HDAC4: variants seen among roughly 807,000 people sequenced by gnomAD.
HDAC4 encodes the protein histone deacetylase A.
In HDAC4, 16 loss-of-function variants were observed where a neutral mutation model predicts 135.1. That is an observed-to-expected ratio of 0.12 (90% CI 0.08 to 0.18). HDAC4 has a LOEUF of 0.18. HDAC4 is among the 10% of genes least tolerant of loss of function. The pLI, the probability that HDAC4 is intolerant of heterozygous loss-of-function variation, is 1.00. For synonymous variants in HDAC4, 685 were observed against 653.4 expected, an observed-to-expected ratio of 1.05 and a Z score of -0.74; for missense variants, 1,143 against 1,511.8, an observed-to-expected ratio of 0.76 and a Z score of 4.05.
Position 239,160,516 on chromosome 2 carries a change from T to A in HDAC4, c.611+3287A>T, listed in dbSNP as rs571457576. On this transcript the variant is annotated intron_variant, in intron 6 of 26. Transcript: ENST00000543185. ...TCTCTGCAGCCTCCCAGCCCTGGTC[T>A]GCTTTCTCTCACAGTCGATTCACTT... Among the ~76,000 whole-genome samples the A allele has an allele frequency of 6.0e-5, 9 of 150,986 alleles. No individual in the cohort carries two copies. The East Asian group carries it at 1.4e-3, about 24-fold the overall frequency.
intron 1 of HDAC4, among the ~76,000 whole-genome samples, chr2:239,375,776 G>A (rs1420214010): frequency 6.6e-6 from 1 of 152,188 alleles, no homozygotes; most frequent in East Asian, 1.9e-4. Flanking sequence ...TTCCTCCATG[G>A]CCCCCCAGGG....
intron 4 of HDAC4, among the ~76,000 whole-genome samples, chr2:239,185,148 T>C (rs1020041765): frequency 2.0e-5 from 3 of 151,474 alleles, no homozygotes; most frequent in Non-Finnish European, 2.9e-5. Flanking sequence ...CCCTGGAGGC[T>C]GTGCCCTATG....
At chr2:239,279,209 A>G (rs907157751) in intron 2 of HDAC4, among the ~76,000 whole-genome samples, 1 of 152,236 alleles carries the variant, frequency 6.6e-6, no homozygotes, top group African/African-American at 2.4e-5. Context: ...TGTTTCTCCC[A>G]GGAGACTCTG....
intron 15 of HDAC4, among the ~76,000 whole-genome samples, chr2:239,105,898 G>A (rs2038084327): frequency 5.3e-5 from 8 of 152,204 alleles, no homozygotes; most frequent in Admixed American, 5.2e-4. Flanking sequence ...GTCCCCCTGG[G>A]CTGAGTTAGC....
At chr2:239,066,693 A>G in intron 24 of HDAC4, 29 bp downstream of exon 24, 1 of 1,613,004 alleles carries the variant, frequency 6.2e-7, no homozygotes, top group Non-Finnish European at 8.5e-7. Context: ...AGTGTGGAGC[A>G]TCCTGTGGGG....
intron 5 of HDAC4, among the ~76,000 whole-genome samples, chr2:239,169,349 G>C (rs2043307523): frequency 6.6e-6 from 1 of 152,220 alleles, no homozygotes; most frequent in Non-Finnish European, 1.5e-5. Context: ...CCCGCGATGT[G>C]GGTCCCACGC....
At chr2:239,394,655 G>A (rs1481648618) in intron 1 of HDAC4, among the ~76,000 whole-genome samples, 1 of 152,248 alleles carries the variant, frequency 6.6e-6, no homozygotes, top group Non-Finnish European at 1.5e-5. Context: ...TTCCCAGATG[G>A]GGGCAGGGGG....
At chr2:239,179,591 G>A (rs1055977959) in intron 4 of HDAC4, among the ~76,000 whole-genome samples, 7 of 152,170 alleles carry the variant, frequency 4.6e-5, no homozygotes, top group African/African-American at 7.2e-5. Flanking sequence ...CCACGAAACC[G>A]GTCCCTGGTG....
chr2:239,191,587 G>T (rs2044961564), intron 3 of HDAC4, among the ~76,000 whole-genome samples: 1 of 152,242 alleles, frequency 6.6e-6, no homozygotes, highest in South Asian at 2.1e-4. Context: ...TTTGGGGGAG[G>T]CCTGGGCACT....
chr2:239,312,779 G>T lies in HDAC4; in HGVS notation c.22+39899C>A, dbSNP rs541815404. 7.2e-5 allele frequency among the ~76,000 whole-genome samples: 11 copies of T among 152,342 alleles called. 1 individual carries two copies. The highest frequency in any genetic ancestry group is 3.4e-3 in the Middle Eastern group (1 of 294). On this transcript the variant is annotated intron_variant, in intron 2 of 26. Transcript: ENST00000543185. ...CACCACAGCACTGAGGGCAGAATGT[G>T]GTGGTGGCCCAGCTGCCGTGGCGCC...
chr2:239,063,693 A>G (rs562294187), intron 24 of HDAC4, among the ~76,000 whole-genome samples: 1 of 150,704 alleles, frequency 6.6e-6, no homozygotes, highest in Admixed American at 6.6e-5. Flanking sequence ...AGCCTCCCCC[A>G]CACCTGCGAG....
At chr2:239,065,728 G>A (rs1489225612) in intron 24 of HDAC4, among the ~76,000 whole-genome samples, 2 of 152,158 alleles carry the variant, frequency 1.3e-5, no homozygotes, top group Non-Finnish European at 2.9e-5. Flanking sequence ...CCTGCCCTCC[G>A]CTTCCTGTGG....
At chr2:239,158,823 G>A (rs558457465) in intron 6 of HDAC4, among the ~76,000 whole-genome samples, 28 of 152,134 alleles carry the variant, frequency 1.8e-4, no homozygotes, top group African/African-American at 5.8e-4. Flanking sequence ...GACCGCACAC[G>A]CGTGCCCTCC....
At chr2:239,124,268 C>G (rs1184499072) in intron 12 of HDAC4, among the ~76,000 whole-genome samples, 1 of 152,216 alleles carries the variant, frequency 6.6e-6, no homozygotes, top group Non-Finnish European at 1.5e-5. Flanking sequence ...TTCACCATCC[C>G]TAAGAAGAGG....
chr2:239,079,836 C>T (rs62189539), intron 22 of HDAC4, among the ~76,000 whole-genome samples: 20 of 136,152 alleles, frequency 1.5e-4, no homozygotes, highest in African/African-American at 3.9e-4. Context: ...GCACACACAG[C>T]GATATACACA....
chr2:239,115,563 A>T lies in HDAC4; in HGVS notation c.1534-253T>A, dbSNP rs1352893506. 6.6e-6 allele frequency among the ~76,000 whole-genome samples: 1 copy of T among 152,142 alleles called. No individual in the cohort carries two copies. Among genetic ancestry groups the T allele is most frequent in the Non-Finnish European group, 1.5e-5 (1 of 68,026 alleles). On this transcript the variant is annotated intron_variant, in intron 12 of 26. Transcript: ENST00000543185. This position sits in a 1 kb window ranked among gnomAD's most constrained non-coding sequence, Gnocchi z 6.3. Reference sequence around the variant, plus strand: ...TGACCTGGCCCAGGGAAGGAGGCTGACTAACATTTGGGGTTTACTAAGCAC... The same window carrying T: ...TGACCTGGCCCAGGGAAGGAGGCTGTCTAACATTTGGGGTTTACTAAGCAC...
chr2:239,307,768 T>C lies in HDAC4; in HGVS notation c.22+44910A>G, dbSNP rs534140720. ...CTCTTTTAGAACAAGCAAAATGGAA[T>C]GAGGATGTCGGAGTGTTTCGTGCTT... On this transcript the variant is annotated intron_variant, in intron 2 of 26. Transcript: ENST00000543185. The surrounding 1 kb of genome is among the most constrained non-coding windows in gnomAD (Gnocchi z 4.8). Among the ~76,000 whole-genome samples, 1 of 152,300 alleles carries C rather than the reference T, an allele frequency of 6.6e-6. No individual in the cohort carries two copies. The highest frequency in any genetic ancestry group is 1.9e-4 in the East Asian group (1 of 5,172).
At chr2:239,054,437 G>GC (rs1293691892) in intron 25 of HDAC4, among the ~76,000 whole-genome samples, 6 of 152,110 alleles carry the variant, frequency 3.9e-5, no homozygotes, top group Non-Finnish European at 8.8e-5. Flanking sequence ...CACAGCCATG[G>GC]CCCCCGCTGC....
intron 1 of HDAC4, among the ~76,000 whole-genome samples, chr2:239,390,228 G>A (rs1267608129): frequency 2.6e-5 from 4 of 152,194 alleles, no homozygotes; most frequent in African/African-American, 7.2e-5. Context: ...ATACCTCCCT[G>A]CTCAATACCT....
Sources: gnomAD v4.1 joint callset for allele counts (sites outside exome capture counted in the v4.1 genomes callset) on GRCh38, gnomAD v4.1.1 for gene constraint, Gnocchi (gnomAD v3.1) non-coding constraint, MANE v1.5 for transcripts, NCBI Gene and HGNC (gene_info 2026-07-23, HGNC 2026-07-21) for gene names.